MIA: variants seen among roughly 807,000 people sequenced by gnomAD.
The protein encoded by MIA is MIA SH3 domain containing.
Under a neutral mutation model 18.5 loss-of-function variants are expected in MIA, and 18 were observed. That is an observed-to-expected ratio of 0.97 (90% confidence interval 0.67 to 1.44). MIA has a LOEUF of 1.44. Ranked by LOEUF, MIA falls within the 40% of genes most tolerant of loss-of-function variation. The pLI is 0.00. For synonymous variants in MIA, 55 were observed against 64.9 expected, an observed-to-expected ratio of 0.85 and a Z score of 0.74; for missense variants, 158 against 172.4, an observed-to-expected ratio of 0.92 and a Z score of 0.47.
In MIA at chr19:40,775,836, A is replaced by G; in HGVS notation, c.212A>G (p.Tyr71Cys). The part of the protein sequence containing the change: ...FLTIHRGQVV[Y>C]VFSKLKGRGR... ...ACCATTCACCGGGGCCAAGTGGTGTATGTCTTCTCCAAGCTGAAGGGCCGT... is the reference window on the plus strand; with the variant it reads ...ACCATTCACCGGGGCCAAGTGGTGTGTGTCTTCTCCAAGCTGAAGGGCCGT... Residue 71 changes from tyrosine to cysteine, a missense_variant, in exon 2 of 4, where the codon TAT becomes TGT. By Grantham distance (194) the Tyr-to-Cys change is radical. Coordinates refer to ENST00000263369, the MANE Select transcript of MIA (RefSeq NM_006533.4). 1 of 1,613,900 alleles carries G rather than the reference A, an allele frequency of 6.2e-7. No homozygotes were observed. Among genetic ancestry groups the G allele is most frequent in the Non-Finnish European group, 8.5e-7 (1 of 1,179,978 alleles).
At position 40,777,023 on chromosome 19, in the gene MIA, A is replaced by T; in HGVS notation, c.316A>T (p.Ser106Cys). 6.2e-7 allele frequency: 1 copy of T among 1,613,816 alleles called. No individual in the cohort carries two copies. Among genetic ancestry groups the T allele is most frequent in the African/African-American group, 1.3e-5 (1 of 75,038 alleles). Residue 106 changes from serine (S) to cysteine (C), a missense_variant, in exon 3 of 4, where the codon AGC becomes TGC. Coordinates refer to ENST00000263369, the MANE Select transcript of MIA (RefSeq NM_006533.4). ...LAARLGYFPS[S>C]IVREDQTLKP... ...TGCTCGCCTGGGCTATTTCCCCAGT[A>T]GCATTGTCCGAGAGGACCAGACCCT...
At position 40,775,653 on chromosome 19, in the gene MIA, G is replaced by A. The variant is rs772370004; in HGVS notation, c.111G>A (p.Ala37=). The change falls in exon 1 of 4, where the codon GCG becomes GCA. Residue 37 remains alanine, a synonymous_variant. Coordinates refer to ENST00000263369, the MANE Select transcript of MIA (RefSeq NM_006533.4). ...AGCTGGCTGACCGGAAGCTGTGTGC[G>A]GACCAGGAGTGCAGCCGTAAGAATG... ...MPKLADRKLC[A]DQECSHPISM... 11 of 1,614,114 alleles carry A rather than the reference G, an allele frequency of 6.8e-6. No homozygotes were observed. Among genetic ancestry groups the A allele is most frequent in the Admixed American group, 3.3e-5 (2 of 60,002 alleles).
chr19:40,775,782 A>G lies in MIA; in HGVS notation c.158A>G (p.Asp53Gly), dbSNP rs1330324736. Reference protein sequence around the residue: ...HPISMAVALQDYMAPDCRFLT... With the variant: ...HPISMAVALQGYMAPDCRFLT... ...ATCTCCATGGCTGTGGCCCTTCAGG[A>G]CTACATGGCCCCCGACTGCCGATTC... Residue 53 changes from aspartate (D) to glycine (G), a missense_variant, in exon 2 of 4, where the codon GAC becomes GGC. Transcript: ENST00000263369. The G allele has an allele frequency of 6.2e-7, 1 of 1,613,852 alleles. No individual in the cohort carries two copies. Among genetic ancestry groups the G allele is most frequent in the African/African-American group, 1.3e-5 (1 of 74,840 alleles).
chr19:40,775,968 G>A, intron 2 of MIA, 83 bp downstream of exon 2: 3 of 1,519,884 alleles, frequency 2.0e-6, no homozygotes, highest in Non-Finnish European at 2.7e-6. Context: ...TTTGAGGGGG[G>A]TGAACTGAAA....
intron 3 of MIA, 60 bp from the exon 4 acceptor site, chr19:40,777,337 A>G (rs1486193288): frequency 7.5e-6 from 12 of 1,594,392 alleles, no homozygotes; most frequent in Non-Finnish European, 1.0e-5. Context: ...TAAAACCACT[A>G]GATCCTTTGT....
chr19:40,777,107 T>C (rs951117713), intron 3 of MIA, 28 bp downstream of exon 3: 2 of 1,582,188 alleles, frequency 1.3e-6, no homozygotes, highest in South Asian at 2.2e-5. Flanking sequence ...TGGCAAGAAA[T>C]GTGGGGGGAG....
upstream of MIA, chr19:40,775,360 AC>A: frequency 1.1e-6 from 1 of 942,984 alleles, no homozygotes; most frequent in Non-Finnish European, 1.6e-6. Context: ...TACAGCCTTT[AC>A]CCTATCCTTG....
At position 40,775,885 on chromosome 19, in the gene MIA, C is replaced by T. The variant is rs368482748; in HGVS notation, c.261C>T (p.Ser87=). ...GTGGGCGGCTCTTCTGGGGAGGCAG[C>T]GTGAGTCTTGGGAGAGTGAAAGAGG... ...KGRGRLFWGG[S]VQGDYYGDLA... The change falls in exon 2 of 4, where the codon AGC becomes AGT. Residue 87 remains serine, a splice_region_variant and synonymous_variant. Coordinates refer to ENST00000263369, the MANE Select transcript of MIA (RefSeq NM_006533.4). 2.4e-5 allele frequency: 39 copies of T among 1,613,144 alleles called. No individual in the cohort carries two copies. Among genetic ancestry groups the T allele is most frequent in the African/African-American group, 1.3e-4 (10 of 74,564 alleles).
At chr19:40,776,636 G>A (rs529184341) in intron 2 of MIA, among the ~76,000 whole-genome samples, 14 of 152,178 alleles carry the variant, frequency 9.2e-5, no homozygotes, top group Admixed American at 2.0e-4. Context: ...CCGGCTACTC[G>A]GGAGGCTGAG....
At chr19:40,775,934 C>A (rs759644290) in intron 2 of MIA, 49 bp downstream of exon 2, 1 of 1,593,070 alleles carries the variant, frequency 6.3e-7, no homozygotes, top group Non-Finnish European at 8.6e-7. Flanking sequence ...CTGGGGTAGA[C>A]TCATTATCCC....
rs768087827 is a variant in MIA at position 40,777,033 on chromosome 19, G to A, written c.326G>A (p.Arg109Gln). The change falls in exon 3 of 4, where the codon CGA becomes CAA. Residue 109 changes from arginine to glutamine, a missense_variant. Arg to Gln is a conservative substitution (Grantham distance 43, BLOSUM62 1). Transcript: ENST00000263369. ...RLGYFPSSIV[R>Q]EDQTLKPGKV... The stretch of plus-strand genomic sequence containing the variant: ...GGCTATTTCCCCAGTAGCATTGTCC[G>A]AGAGGACCAGACCCTGAAACCTGGC... The A allele has an allele frequency of 1.9e-6, 3 of 1,613,548 alleles. No individual in the cohort carries two copies. The highest frequency in any genetic ancestry group is 3.4e-4 in the Middle Eastern group (2 of 5,806).
chr19:40,777,300 C>T, intron 3 of MIA, 97 bp from the exon 4 acceptor site: 1 of 1,444,558 alleles, frequency 6.9e-7, no homozygotes, highest in Non-Finnish European at 9.7e-7. Flanking sequence ...TGTGGCCAGA[C>T]CTGGGCCCTG....
intron 1 of MIA, 27 bp downstream of exon 1, chr19:40,775,696 G>A: frequency 6.2e-7 from 1 of 1,614,102 alleles, no homozygotes; most frequent in South Asian, 1.1e-5. Context: ...GAGAATTGGG[G>A]GCTTGGGCGT....
intron 3 of MIA, 83 bp downstream of exon 3, chr19:40,777,162 C>T (rs879940879): frequency 7.9e-7 from 1 of 1,267,052 alleles, no homozygotes. Context: ...CCACACTTGG[C>T]TCCCTGGCAG....
chr19:40,775,406 T>G, upstream of MIA: 1 of 1,328,552 alleles, frequency 7.5e-7, no homozygotes, highest in Non-Finnish European at 1.1e-6. Context: ...TTCTAGGTGG[T>G]GTGGGCGAAG....
chr19:40,775,415 A>C, upstream of MIA: 1 of 1,433,746 alleles, frequency 7.0e-7, no homozygotes. Flanking sequence ...GTGTGGGCGA[A>C]GTTTGGGACT....
chr19:40,777,281 T>C, intron 3 of MIA, 116 bp from the exon 4 acceptor site: 1 of 1,287,540 alleles, frequency 7.8e-7, no homozygotes, highest in South Asian at 1.2e-5. Context: ...CTAATTTGCA[T>C]AGCACTTGTG....
At chr19:40,775,457 A>G (rs1412731898), upstream of MIA, 5 of 1,594,270 alleles carry the variant, frequency 3.1e-6, no homozygotes, top group Non-Finnish European at 4.3e-6. Context: ...CAAGAACACA[A>G]GTTTCCTTGT....
rs2083003821 is a variant in MIA, at chr19:40,777,207, G to A, written c.372+128G>A. The A allele has an allele frequency of 1.4e-5, 15 of 1,104,252 alleles. No homozygotes were observed. The South Asian group carries it at 1.8e-4, about 13-fold the overall frequency. The allele number at this position is 1,104,252 out of a possible 1,614,324, so 68.4% of individuals were successfully genotyped here. A position where few individuals can be genotyped will look rare whatever the true frequency, so the allele number is the denominator to read the frequency against. On this transcript the variant is annotated intron_variant, in intron 3 of 3. Coordinates refer to ENST00000263369, the MANE Select transcript of MIA (RefSeq NM_006533.4). ...GTGCGCTGGGAGAAATTCTTTCCCTGCCTCAATTTTCTCACCAGTAAAATG... is the reference window on the plus strand; with the variant it reads ...GTGCGCTGGGAGAAATTCTTTCCCTACCTCAATTTTCTCACCAGTAAAATG...
Sources: allele counts gnomAD v4.1 joint callset (sites outside exome capture counted in the v4.1 genomes callset), GRCh38; gene constraint gnomAD v4.1.1; transcripts MANE v1.5; gene names NCBI Gene and HGNC (gene_info 2026-07-23, HGNC 2026-07-21).